The following RBFOX3 variants were observed in gnomAD, a reference collection of about 807,000 sequenced individuals.
The protein encoded by RBFOX3 is RNA binding protein fox-1 homolog 3.
RBFOX3 carries 17 observed loss-of-function variants against 48.7 expected under a neutral mutation model. That is an observed-to-expected ratio of 0.35 (90% CI 0.24 to 0.52). The LOEUF (loss-of-function observed/expected upper bound fraction) is 0.52, where lower values mean the gene tolerates loss of function less well. Ranked by LOEUF, RBFOX3 falls within the 20% of genes least tolerant of loss-of-function variation. The probability of loss-of-function intolerance (pLI) is 0.94; values close to 1 mark genes in which losing one functional copy is unlikely to be tolerated. For missense variants in RBFOX3, 382 were observed against 497.5 expected, an observed-to-expected ratio of 0.77 and a Z score of 2.21; for synonymous variants, 212 against 209.5, an observed-to-expected ratio of 1.01 and a Z score of -0.10.
intron 1 of RBFOX3, among the ~76,000 whole-genome samples, chr17:79,559,640 ATAG>A (rs2092050615): frequency 9.2e-5 from 4 of 43,566 alleles, no homozygotes; most frequent in African/African-American, 1.1e-4. Context: ...TGGATGGTGA[ATAG>A]TGGATGGGTG....
intron 4 of RBFOX3, among the ~76,000 whole-genome samples, chr17:79,227,906 T>C (rs896711190): frequency 7.9e-5 from 12 of 152,226 alleles, no homozygotes; most frequent in Non-Finnish European, 1.2e-4. Flanking sequence ...AGATAGGTAC[T>C]GCAGCTTTTT....
At chr17:79,166,734 C>G (rs1468483943) in intron 4 of RBFOX3, among the ~76,000 whole-genome samples, 1 of 152,192 alleles carries the variant, frequency 6.6e-6, no homozygotes, top group African/African-American at 2.4e-5. Context: ...CTGGCCCCAG[C>G]CAGGTCAGAG....
intron 1 of RBFOX3, among the ~76,000 whole-genome samples, chr17:79,566,591 G>A (rs1031819930): frequency 1.3e-5 from 2 of 152,214 alleles, no homozygotes; most frequent in Non-Finnish European, 2.9e-5. Flanking sequence ...GTCTTGCAAT[G>A]ATGGACAGAA....
intron 5 of RBFOX3, among the ~76,000 whole-genome samples, chr17:79,113,337 A>C (rs1236959215): frequency 6.6e-6 from 1 of 152,116 alleles, no homozygotes; most frequent in East Asian, 1.9e-4. Flanking sequence ...GCCTCTGAGG[A>C]GGCCCAGGTC....
chr17:79,605,482 A>C (rs2093806953), intron 1 of RBFOX3, among the ~76,000 whole-genome samples: 1 of 152,044 alleles, frequency 6.6e-6, no homozygotes, highest in African/African-American at 2.4e-5. Context: ...CACCTCCCCA[A>C]ATATGGAGCA....
At chr17:79,160,930 A>C (rs2046840233) in intron 4 of RBFOX3, among the ~76,000 whole-genome samples, 1 of 150,934 alleles carries the variant, frequency 6.6e-6, no homozygotes, top group African/African-American at 2.4e-5. Flanking sequence ...CAATGAGCTG[A>C]GATCACACCA....
At chr17:79,236,117 A>T (rs1449048890) in intron 3 of RBFOX3, among the ~76,000 whole-genome samples, 1 of 151,662 alleles carries the variant, frequency 6.6e-6, no homozygotes, top group Non-Finnish European at 1.5e-5. Flanking sequence ...CCCACCTCAA[A>T]CTCCAAGCAC....
intron 1 of RBFOX3, among the ~76,000 whole-genome samples, chr17:79,544,975 C>CAAAAA (rs10584963): frequency 4.9e-5 from 4 of 81,622 alleles, no homozygotes; most frequent in Admixed American, 1.3e-4. Context: ...TCATTAAGGG[C>CAAAAA]AAAAAAAAAA....
intron 2 of RBFOX3, among the ~76,000 whole-genome samples, chr17:79,339,927 T>C (rs1040483226): frequency 6.6e-6 from 1 of 152,224 alleles, no homozygotes; most frequent in Non-Finnish European, 1.5e-5. Context: ...GACAAACAGC[T>C]AGCAGAGAAG....
At chr17:79,425,232 G>A (rs528075037) in intron 2 of RBFOX3, among the ~76,000 whole-genome samples, 23 of 152,244 alleles carry the variant, frequency 1.5e-4, no homozygotes, top group African/African-American at 4.6e-4. Flanking sequence ...GAGCACCCTC[G>A]TCCAGACCTA....
intron 2 of RBFOX3, among the ~76,000 whole-genome samples, chr17:79,375,173 AG>A (rs1256642469): frequency 6.6e-6 from 1 of 152,194 alleles, no homozygotes; most frequent in African/African-American, 2.4e-5. Context: ...CATTTGGTCA[AG>A]ACAAGTTTCC....
At chr17:79,430,961 A>G (rs1158228995) in intron 2 of RBFOX3, among the ~76,000 whole-genome samples, 3 of 152,074 alleles carry the variant, frequency 2.0e-5, no homozygotes, top group Admixed American at 6.5e-5. Context: ...GTGGACATCA[A>G]TTTCACCAGA....
Position 79,249,565 on chromosome 17 carries a change from C to T in RBFOX3, c.-73-13760G>A, listed in dbSNP as rs745469324. Among the ~76,000 whole-genome samples, 26 of 152,200 alleles carry T rather than the reference C, an allele frequency of 1.7e-4. No homozygotes were observed. Among genetic ancestry groups the T allele is most frequent in the African/African-American group, 2.4e-4 (10 of 41,530 alleles). ...TGCCTCTATCGGGGTCCCATGCTCC[C>T]GGAGACTGTTTACCTGTCCTAATCA... is the stretch of plus-strand genomic sequence containing the variant. On this transcript the variant is annotated intron_variant, in intron 3 of 14. Coordinates refer to ENST00000693108, the MANE Select transcript of RBFOX3 (RefSeq NM_001350451.2). This position sits in a 1 kb window ranked among gnomAD's most constrained non-coding sequence, Gnocchi z 4.1.
rs114584897 is a variant in RBFOX3, at chr17:79,367,024, C to T, written c.-174-59200G>A. On this transcript the variant is annotated intron_variant, in intron 2 of 14. Coordinates refer to ENST00000693108, the MANE Select transcript of RBFOX3 (RefSeq NM_001350451.2). ...TCAAGGTGGGGCAGCTCCAGAGCTA[C>T]GCAGAGGTCTGCTGCACCGTGTTGT... Among the ~76,000 whole-genome samples, 639 of 152,316 alleles carry T rather than the reference C, an allele frequency of 4.2e-3. 4 individuals are homozygous for T. The highest frequency in any genetic ancestry group is 0.014 in the African/African-American group (585 of 41,560).
At chr17:79,462,112 C>T (rs1555749247) in intron 2 of RBFOX3, among the ~76,000 whole-genome samples, 2 of 152,178 alleles carry the variant, frequency 1.3e-5, no homozygotes, top group Non-Finnish European at 2.9e-5. Context: ...CAGTGTCTGC[C>T]TCTCTCTCTA....
the RBFOX3 span, among the ~76,000 whole-genome samples, chr17:79,632,170 C>T: frequency 2.0e-5 from 3 of 152,172 alleles, no homozygotes; most frequent in Non-Finnish European, 4.4e-5. Flanking sequence ...ACTGGGATCA[C>T]TGAAGATGAA....
intron 2 of RBFOX3, among the ~76,000 whole-genome samples, chr17:79,437,933 CA>C (rs2069895880): frequency 9.0e-5 from 10 of 111,530 alleles, no homozygotes; most frequent in Admixed American, 8.0e-4. Flanking sequence ...CACACGCATT[CA>C]CACACAGATA....
rs769554822 is a variant in RBFOX3, at chr17:79,306,446, C to A, written c.-74+1278G>T. On this transcript the variant is annotated intron_variant, in intron 3 of 14. Coordinates refer to ENST00000693108, the MANE Select transcript of RBFOX3 (RefSeq NM_001350451.2). ...GCAACGGAGCCTGCTGCCAGCCTAC[C>A]CTGGCACACCTGCCCTCAGGAGCGC... Among the ~76,000 whole-genome samples the A allele has an allele frequency of 1.5e-3, 232 of 152,364 alleles. 1 individual carries two copies. Among genetic ancestry groups the A allele is most frequent in the Non-Finnish European group, 2.1e-3 (146 of 68,030 alleles).
chr17:79,521,800 C>T (rs980279550), intron 1 of RBFOX3, among the ~76,000 whole-genome samples: 2 of 152,246 alleles, frequency 1.3e-5, no homozygotes, highest in Admixed American at 6.5e-5. Context: ...CAAAAACACA[C>T]AGTCACACAT....
Sources: gnomAD v4.1 joint callset for allele counts (sites outside exome capture counted in the v4.1 genomes callset) on GRCh38, gnomAD v4.1.1 for gene constraint, Gnocchi (gnomAD v3.1) non-coding constraint, MANE v1.5 for transcripts, NCBI Gene and HGNC (gene_info 2026-07-23, HGNC 2026-07-21) for gene names.